Variants in CADPS2 observed in about 807,000 individuals in gnomAD.
CADPS2 encodes calcium dependent secretion activator 2.
In CADPS2, 93 loss-of-function variants were observed where a neutral mutation model predicts 172.5. The observed-to-expected ratio is 0.54, with a 90% CI of 0.46 to 0.64. CADPS2 has a LOEUF of 0.64. Ranked by LOEUF, CADPS2 falls within the 30% of genes least tolerant of loss-of-function variation. The probability of loss-of-function intolerance (pLI) is 0.00; values close to 1 mark genes in which losing one functional copy is unlikely to be tolerated. For synonymous variants in CADPS2, 546 were observed against 555.2 expected, an observed-to-expected ratio of 0.98 and a Z score of 0.23; for missense variants, 1,420 against 1,565.9, an observed-to-expected ratio of 0.91 and a Z score of 1.57.
chr7:122,695,342 T>C (rs193117011), intron 2 of CADPS2, among the ~76,000 whole-genome samples: 2 of 152,234 alleles, frequency 1.3e-5, no homozygotes, highest in Non-Finnish European at 2.9e-5. Context: ...ATTAGTCCCA[T>C]GTCATTATGA....
intron 2 of CADPS2, among the ~76,000 whole-genome samples, chr7:122,703,430 C>T (rs1217793284): frequency 6.6e-6 from 1 of 152,092 alleles, no homozygotes; most frequent in African/African-American, 2.4e-5. Flanking sequence ...AAACCATTCC[C>T]ACCCACTTCC....
At chr7:122,659,082 G>A (rs1193165208) in intron 3 of CADPS2, among the ~76,000 whole-genome samples, 3 of 151,814 alleles carry the variant, frequency 2.0e-5, no homozygotes, top group Non-Finnish European at 4.4e-5. Context: ...AAATTATGAA[G>A]CATGTCAAAA....
chr7:122,589,123 C>T (rs2070299447), intron 6 of CADPS2, among the ~76,000 whole-genome samples: 2 of 151,932 alleles, frequency 1.3e-5, no homozygotes, highest in Admixed American at 1.3e-4. Flanking sequence ...TTGCCCTGCA[C>T]ATAATGGCCA....
At chr7:122,664,519 T>G (rs901266565) in intron 2 of CADPS2, among the ~76,000 whole-genome samples, 4 of 152,162 alleles carry the variant, frequency 2.6e-5, no homozygotes, top group African/African-American at 4.8e-5. Flanking sequence ...AAGGTCATAT[T>G]TGGGAAGAGA....
In CADPS2 at chr7:122,849,843, T is replaced by C. The variant is rs1264240043; in HGVS notation, c.339+36156A>G. On this transcript the variant is annotated intron_variant, in intron 1 of 29. Coordinates refer to ENST00000449022, the MANE Select transcript of CADPS2 (RefSeq NM_017954.11). ...ATCAACTATGATGAGTTTCCCACTA[T>C]GGTGTTTCCTTCTGGGCAGATCTCA... 8.8e-6 allele frequency: 5 copies of C among 568,822 alleles called. No homozygotes were observed. The Admixed American group carries it at 8.8e-5, about 10-fold the overall frequency. 35.2% of individuals were successfully genotyped at this position (568,822 alleles called of 1,614,324 possible).
intron 1 of CADPS2, among the ~76,000 whole-genome samples, chr7:122,799,226 C>T (rs1168057982): frequency 6.9e-6 from 1 of 145,142 alleles, no homozygotes; most frequent in African/African-American, 2.6e-5. Flanking sequence ...CTAACTAATG[C>T]CAGAAAAAAC....
intron 2 of CADPS2, among the ~76,000 whole-genome samples, chr7:122,677,506 A>G (rs566260116): frequency 6.6e-6 from 1 of 152,300 alleles, no homozygotes; most frequent in South Asian, 2.1e-4. Flanking sequence ...GGAGCATGGA[A>G]TGCCATCAAT....
intron 1 of CADPS2, among the ~76,000 whole-genome samples, chr7:122,839,522 T>G (rs1809718084): frequency 6.6e-6 from 1 of 152,162 alleles, no homozygotes; most frequent in South Asian, 2.1e-4. Context: ...ATTTTTGCAA[T>G]CTACTCATCT....
At chr7:122,434,570 T>C (rs879272290) in intron 17 of CADPS2, among the ~76,000 whole-genome samples, 1 of 152,148 alleles carries the variant, frequency 6.6e-6, no homozygotes, top group African/African-American at 2.4e-5. Flanking sequence ...CAGTGGTGGG[T>C]GCTGGGAATA....
At chr7:122,749,886 C>G (rs992473769) in intron 1 of CADPS2, among the ~76,000 whole-genome samples, 1 of 149,038 alleles carries the variant, frequency 6.7e-6, no homozygotes, top group Non-Finnish European at 1.5e-5. Context: ...ATTCTAAAAG[C>G]AATTCTGATT....
At chr7:122,645,485 A>G (rs1317148603) in intron 3 of CADPS2, among the ~76,000 whole-genome samples, 4 of 101,696 alleles carry the variant, frequency 3.9e-5, no homozygotes, top group African/African-American at 1.4e-4. Context: ...ATATATATTT[A>G]GCGTATATAT....
rs1585170273 is a variant in CADPS2, at chr7:122,886,077, G to C, written c.261C>G (p.Leu87=). The change falls in exon 1 of 30, where the codon CTC becomes CTG. Residue 87 remains leucine, a synonymous_variant. Coordinates refer to ENST00000449022, the MANE Select transcript of CADPS2 (RefSeq NM_017954.11). Reference sequence around the variant, plus strand: ...CGATGCACCTCACGACGAAGACGTAGAGCTGCAGGCGGATCCTCCGCTCCT... The same window carrying C: ...CGATGCACCTCACGACGAAGACGTACAGCTGCAGGCGGATCCTCCGCTCCT... The part of the protein sequence containing the change: ...DEQERRIRLQ[L]YVFVVRCIAY... 1 of 1,596,212 alleles carries C rather than the reference G, an allele frequency of 6.3e-7. No homozygotes were observed. Among genetic ancestry groups the C allele is most frequent in the East Asian group, 2.3e-5 (1 of 44,000 alleles).
chr7:122,816,699 A>G (rs1801522289), intron 1 of CADPS2, among the ~76,000 whole-genome samples: 2 of 152,182 alleles, frequency 1.3e-5, no homozygotes, highest in Admixed American at 1.3e-4. Context: ...AGCATCCATT[A>G]TTGCCTGTCT....
intron 1 of CADPS2, among the ~76,000 whole-genome samples, chr7:122,809,995 A>G (rs17610847): frequency 0.092 from 14,056 of 152,232 alleles, 806 homozygotes; most frequent in Non-Finnish European, 0.12. Flanking sequence ...TGAGCTGGAA[A>G]ACAGTTCATG....
At chr7:122,808,187 T>C (rs1009632984) in intron 1 of CADPS2, among the ~76,000 whole-genome samples, 1 of 152,144 alleles carries the variant, frequency 6.6e-6, no homozygotes, top group African/African-American at 2.4e-5. Flanking sequence ...ATGTGTCTTC[T>C]GTAGAAAAAA....
intron 7 of CADPS2, among the ~76,000 whole-genome samples, chr7:122,572,585 A>G (rs1338265444): frequency 1.3e-5 from 2 of 152,178 alleles, no homozygotes; most frequent in Admixed American, 1.3e-4. Flanking sequence ...CAAGTTAAAG[A>G]GTTACCCAGG....
intron 2 of CADPS2, among the ~76,000 whole-genome samples, chr7:122,675,584 T>C (rs1252235808): frequency 2.0e-5 from 3 of 152,154 alleles, no homozygotes; most frequent in Non-Finnish European, 4.4e-5. Flanking sequence ...TATGTGTGCA[T>C]ATGTCTGAAT....
At chr7:122,693,129 C>T (rs1199462058) in intron 2 of CADPS2, among the ~76,000 whole-genome samples, 1 of 152,218 alleles carries the variant, frequency 6.6e-6, no homozygotes, top group Non-Finnish European at 1.5e-5. Context: ...TACACTGTGT[C>T]TTCAAGTTTC....
chr7:122,837,845 G>C (rs1209634870), intron 1 of CADPS2, among the ~76,000 whole-genome samples: 1 of 152,172 alleles, frequency 6.6e-6, no homozygotes, highest in African/African-American at 2.4e-5. Flanking sequence ...AATTCTAACA[G>C]AGGTACAAGG....
Sources: gnomAD v4.1 joint callset for allele counts (sites outside exome capture counted in the v4.1 genomes callset) on GRCh38, gnomAD v4.1.1 for gene constraint, MANE v1.5 for transcripts, NCBI Gene and HGNC (gene_info 2026-07-23, HGNC 2026-07-21) for gene names.